NSD1: variants seen among roughly 807,000 people sequenced by gnomAD.
NSD1 encodes the protein histone-lysine N-methyltransferase, H3 lysine-36 specific.
NSD1 carries 26 observed loss-of-function variants against 242.7 expected under a neutral mutation model. The ratio of observed to expected loss-of-function variants is 0.11; its 90% CI spans 0.08 to 0.15. NSD1 has a LOEUF of 0.15. NSD1 is among the 10% of genes least tolerant of loss of function. The pLI is 1.00. For missense variants in NSD1, 2,495 were observed against 3,272.8 expected (o/e 0.76, Z 5.80); for synonymous variants, 1,106 against 1,178.1 (o/e 0.94, Z 1.25).
At chr5:177,162,923 C>T (rs1324600532) in intron 2 of NSD1, among the ~76,000 whole-genome samples, 2 of 152,076 alleles carry the variant, frequency 1.3e-5, no homozygotes, top group Admixed American at 1.3e-4. Flanking sequence ...CCTCGGCCTC[C>T]CAATGTGCTG....
intron 6 of NSD1, among the ~76,000 whole-genome samples, chr5:177,237,813 G>A (rs1489598522): frequency 2.0e-5 from 3 of 152,194 alleles, no homozygotes; most frequent in East Asian, 1.9e-4. Flanking sequence ...AATTACAGGC[G>A]TGAGCCACCA....
intron 2 of NSD1, among the ~76,000 whole-genome samples, chr5:177,153,095 T>G (rs554026946): frequency 6.6e-6 from 1 of 152,156 alleles, no homozygotes; most frequent in African/African-American, 2.4e-5. Context: ...GGGCAGGTCA[T>G]TAAACCACTG....
At chr5:177,201,220 T>G (rs909989412) in intron 3 of NSD1, among the ~76,000 whole-genome samples, 2 of 152,016 alleles carry the variant, frequency 1.3e-5, no homozygotes, top group African/African-American at 4.8e-5. Context: ...GTTTTTTATT[T>G]GTTTTTTGAG....
intron 5 of NSD1, among the ~76,000 whole-genome samples, chr5:177,227,961 G>A (rs1221866408): frequency 1.3e-5 from 2 of 149,786 alleles, no homozygotes; most frequent in African/African-American, 4.9e-5. Flanking sequence ...AAAAAAAAAA[G>A]CAGAATTTTT....
At position 177,134,862 on chromosome 5, in the gene NSD1, GAC is replaced by G. The variant is rs1311326559; in HGVS notation, c.-17-224_-17-223del. ...ACCAGTCTACAGAGGAGGAAAAAGA[GAC>G]GGGCTGTTTCTATGTAGCAGGATCG... On this transcript the variant is annotated intron_variant, in intron 1 of 22. Coordinates refer to ENST00000439151, the MANE Select transcript of NSD1 (RefSeq NM_022455.5). The surrounding 1 kb of genome is among the most constrained non-coding windows in gnomAD (Gnocchi z 4.2). Among the ~76,000 whole-genome samples the G allele has an allele frequency of 6.6e-6, 1 of 152,220 alleles. No homozygotes were observed. The highest frequency in any genetic ancestry group is 1.5e-5 in the Non-Finnish European group (1 of 68,032).
At chr5:177,137,568 A>G (rs1029203794) in intron 2 of NSD1, among the ~76,000 whole-genome samples, 2 of 152,162 alleles carry the variant, frequency 1.3e-5, no homozygotes, top group African/African-American at 2.4e-5. Flanking sequence ...ATTGTCCTAC[A>G]CATTAGGGTG....
chr5:177,157,724 TCA>T (rs1758254202), intron 2 of NSD1, among the ~76,000 whole-genome samples: 1 of 152,294 alleles, frequency 6.6e-6, no homozygotes, highest in African/African-American at 2.4e-5. Context: ...GAACCTTTCA[TCA>T]CCCCAAAAGA....
intron 22 of NSD1, 25 bp downstream of exon 22, chr5:177,292,183 C>T (rs765752762): frequency 2.4e-5 from 38 of 1,609,218 alleles, no homozygotes; most frequent in African/African-American, 8.0e-5. Flanking sequence ...CCATTTGTAC[C>T]GCTACTCGTT....
chr5:177,271,181 G>A (rs959525473), intron 16 of NSD1, among the ~76,000 whole-genome samples: 1 of 152,146 alleles, frequency 6.6e-6, no homozygotes, highest in Non-Finnish European at 1.5e-5. Flanking sequence ...ACCAGCAGTC[G>A]AAATACCTGC....
chr5:177,207,431 C>T (rs533676246), intron 4 of NSD1, among the ~76,000 whole-genome samples: 12 of 150,916 alleles, frequency 8.0e-5, no homozygotes, highest in South Asian at 6.3e-4. Context: ...TACAGGTGTC[C>T]GCCACCAGGC....
chr5:177,142,320 A>G (rs994877454), intron 2 of NSD1, among the ~76,000 whole-genome samples: 1 of 152,200 alleles, frequency 6.6e-6, no homozygotes, highest in Admixed American at 6.6e-5. Flanking sequence ...TAAAAAAATT[A>G]AAAAAAGGAA....
intron 2 of NSD1, among the ~76,000 whole-genome samples, chr5:177,143,615 T>TG (rs1488923623): frequency 1.3e-5 from 2 of 151,724 alleles, no homozygotes; most frequent in Non-Finnish European, 2.9e-5. Context: ...CCACTGAGCC[T>TG]GGCCAAGGAT....
chr5:177,217,972 G>A (rs948048765), intron 5 of NSD1, among the ~76,000 whole-genome samples: 1 of 152,134 alleles, frequency 6.6e-6, no homozygotes, highest in Non-Finnish European at 1.5e-5. Context: ...TTGGAGTGCA[G>A]TGGTGATATG....
intron 5 of NSD1, among the ~76,000 whole-genome samples, chr5:177,228,211 C>T (rs772163244): frequency 1.2e-4 from 18 of 151,238 alleles, no homozygotes; most frequent in African/African-American, 3.2e-4. Flanking sequence ...AGCACATTCA[C>T]GTAAGTTTTA....
intron 2 of NSD1, among the ~76,000 whole-genome samples, chr5:177,144,640 G>A (rs1000253837): frequency 6.6e-6 from 1 of 151,904 alleles, no homozygotes; most frequent in Non-Finnish European, 1.5e-5. Context: ...ATTCTTCCTG[G>A]TTTTCAGGGG....
intron 8 of NSD1, among the ~76,000 whole-genome samples, chr5:177,243,959 C>T (rs1326016190): frequency 6.6e-6 from 1 of 152,158 alleles, no homozygotes. Flanking sequence ...TCCTAACGTG[C>T]TAGGATTACA....
intron 2 of NSD1, among the ~76,000 whole-genome samples, chr5:177,190,831 A>G (rs7726321): frequency 0.022 from 3,177 of 144,878 alleles, 213 homozygotes; most frequent in African/African-American, 0.085. Context: ...CACCATGCCC[A>G]GCTAATTTTT....
intron 5 of NSD1, among the ~76,000 whole-genome samples, chr5:177,233,399 G>A (rs953819990): frequency 6.6e-6 from 1 of 151,518 alleles, no homozygotes; most frequent in Non-Finnish European, 1.5e-5. Context: ...TTTAAAGTTT[G>A]GCTCTGTCAC....
At chr5:177,207,642 C>T (rs1296449545) in intron 4 of NSD1, among the ~76,000 whole-genome samples, 1 of 127,362 alleles carries the variant, frequency 7.9e-6, no homozygotes, top group Non-Finnish European at 1.6e-5. Flanking sequence ...GTGGGTCTCC[C>T]TGTGTTTCCC....
Sources: allele counts gnomAD v4.1 joint callset (sites outside exome capture counted in the v4.1 genomes callset), GRCh38; gene constraint gnomAD v4.1.1; non-coding constraint Gnocchi (gnomAD v3.1); transcripts MANE v1.5; gene names NCBI Gene and HGNC (gene_info 2026-07-23, HGNC 2026-07-21).